The following MATN2 variants were observed in gnomAD, a reference collection of about 807,000 sequenced individuals.
The protein encoded by MATN2 is matrilin 2.
MATN2 carries 69 observed loss-of-function variants against 103.2 expected under a neutral mutation model. The ratio of observed to expected loss-of-function variants is 0.67; its 90% confidence interval spans 0.55 to 0.82. MATN2 has a LOEUF of 0.82. Among genes scored for constraint, MATN2 ranks in the 40% least tolerant of loss-of-function variants. MATN2 has a pLI of 0.00. For missense variants in MATN2, 1,023 were observed against 1,211.5 expected, an observed-to-expected ratio of 0.84 and a Z score of 2.31; for synonymous variants, 429 against 450.2, an observed-to-expected ratio of 0.95 and a Z score of 0.60.
intron 4 of MATN2, among the ~76,000 whole-genome samples, chr8:97,953,129 C>T (rs1227828258): frequency 6.6e-6 from 1 of 151,262 alleles, no homozygotes; most frequent in Admixed American, 6.7e-5. Context: ...CGTTCTGTTG[C>T]CCAGGCTGGT....
chr8:97,895,891 G>T (rs1017960233), intron 2 of MATN2, among the ~76,000 whole-genome samples: 4 of 152,322 alleles, frequency 2.6e-5, no homozygotes, highest in South Asian at 2.1e-4. Flanking sequence ...AGACAGAAAA[G>T]GTGCTCAACC....
In MATN2 at chr8:97,926,087, C is replaced by T. The variant is rs79719743; in HGVS notation, c.143-4866C>T. Among the ~76,000 whole-genome samples the T allele has an allele frequency of 4.1e-3, 629 of 152,272 alleles. 4 individuals carry two copies. The highest frequency in any genetic ancestry group is 0.014 in the African/African-American group (566 of 41,542). ...TCCCTTTCTCTGGAAGAGTAAAAGA[C>T]ACTCATTTGCCCAATACATGGACTT... On this transcript the variant is annotated intron_variant, in intron 2 of 18. Transcript: ENST00000254898.
Position 98,000,604 on chromosome 8 carries a change from A to AAAAAAAAG in MATN2, c.1205-3051_1205-3050insAGAAAAAA, listed in dbSNP as rs1554613598. ...AGAGCGAGACTCCGTCTCAAAAAAA[A>AAAAAAAAG]AAAAAAGAAATATGGTTAACAATCA... On this transcript the variant is annotated intron_variant, in intron 7 of 18. Coordinates refer to ENST00000254898, the MANE Select transcript of MATN2 (RefSeq NM_002380.5). 1.6e-4 allele frequency among the ~76,000 whole-genome samples: 20 copies of AAAAAAAAG among 127,284 alleles called. 3 individuals carry two copies. The highest frequency in any genetic ancestry group is 8.9e-4 in the Admixed American group (11 of 12,360). 83.5% of individuals were successfully genotyped at this position (127,284 alleles called of 152,430 possible).
rs1351506566 is a variant in MATN2, at chr8:97,927,114, TTGTTC to T, written c.143-3834_143-3830del. 1.3e-3 allele frequency among the ~76,000 whole-genome samples: 187 copies of T among 143,674 alleles called. 1 individual carries two copies. The highest frequency in any genetic ancestry group is 4.4e-3 in the African/African-American group (175 of 39,534). 94.3% of individuals were successfully genotyped at this position (143,674 alleles called of 152,430 possible). A position where few individuals can be genotyped will look rare whatever the true frequency, so the allele number is the denominator to read the frequency against. On this transcript the variant is annotated intron_variant, in intron 2 of 18. Coordinates refer to ENST00000254898, the MANE Select transcript of MATN2 (RefSeq NM_002380.5). ...GGGTTGTGGTGCACTGGTCTTAGTT[TTGTTC>T]TGTTTTGTTTTGTTTTTGTTTTTGT...
Position 97,931,507 on chromosome 8 carries a change from CA to C in MATN2, c.698del (p.Gln233ArgfsTer63), listed in dbSNP as rs1307004647. 1.2e-6 allele frequency: 2 copies of C among 1,607,170 alleles called. No homozygotes were observed. The highest frequency in any genetic ancestry group is 2.7e-5 in the African/African-American group (2 of 74,750). On this transcript the variant is annotated frameshift_variant, in exon 3 of 19. Coordinates refer to ENST00000254898, the MANE Select transcript of MATN2 (RefSeq NM_002380.5). LOFTEE classifies it high-confidence loss of function. This position sits in a 1 kb window ranked among gnomAD's most constrained non-coding sequence, Gnocchi z 4.1. ...GATTGAGACGCTGACCTCCGTGTTCCAGAAGAAGTTGTGCAGTAAGTCCTGC... is the reference window on the plus strand; with the variant it reads ...GATTGAGACGCTGACCTCCGTGTTCCGAAGAAGTTGTGCAGTAAGTCCTGC... ...SQIETLTSVF[Q>X]KKLCTAHMCS...
At chr8:97,921,146 C>T (rs1414294174) in intron 2 of MATN2, among the ~76,000 whole-genome samples, 2 of 152,172 alleles carry the variant, frequency 1.3e-5, no homozygotes, top group East Asian at 3.9e-4. Context: ...CTGTGTTACT[C>T]AGCTTATTAA....
chr8:97,908,865 G>A (rs1371529889), intron 2 of MATN2, among the ~76,000 whole-genome samples: 1 of 152,166 alleles, frequency 6.6e-6, no homozygotes, highest in Non-Finnish European at 1.5e-5. Flanking sequence ...CTGACCTCAG[G>A]TGATCCACCG....
chr8:98,026,084 C>G (rs550983891), intron 13 of MATN2, among the ~76,000 whole-genome samples: 1 of 148,072 alleles, frequency 6.8e-6, no homozygotes, highest in Non-Finnish European at 1.5e-5. Context: ...GAGGTTGAGG[C>G]AGGAGAATCA....
At chr8:98,035,319 T>C (rs1340723442) in intron 18 of MATN2, among the ~76,000 whole-genome samples, 3 of 151,658 alleles carry the variant, frequency 2.0e-5, no homozygotes, top group African/African-American at 7.3e-5. Context: ...ATCGCGCCAT[T>C]GCACTCCAAC....
intron 4 of MATN2, among the ~76,000 whole-genome samples, chr8:97,955,455 T>C (rs1811114478): frequency 6.6e-6 from 1 of 152,188 alleles, no homozygotes; most frequent in African/African-American, 2.4e-5. Context: ...TCTGTTCCCA[T>C]CTTCGACCCC....
rs781042108 is a variant in MATN2, at chr8:98,005,486, G to A, written c.1328-1619G>A. Among the ~76,000 whole-genome samples, 1 of 152,140 alleles carries A rather than the reference G, an allele frequency of 6.6e-6. No individual in the cohort carries two copies. The highest frequency in any genetic ancestry group is 1.5e-5 in the Non-Finnish European group (1 of 68,020). On this transcript the variant is annotated intron_variant, in intron 8 of 18. Coordinates refer to ENST00000254898, the MANE Select transcript of MATN2 (RefSeq NM_002380.5). This position sits in a 1 kb window ranked among gnomAD's most constrained non-coding sequence, Gnocchi z 4.6. ...ACGCAGATCACCAGGGACATGGCTT[G>A]ACTGCCCCTCCCAGCATGCTTCCGG...
intron 6 of MATN2, among the ~76,000 whole-genome samples, chr8:97,993,731 T>C (rs1379663093): frequency 6.6e-6 from 1 of 152,194 alleles, no homozygotes; most frequent in Non-Finnish European, 1.5e-5. Context: ...GCCTTATTTT[T>C]CCCAGGATAT....
At chr8:97,983,922 A>G (rs1210152687) in intron 6 of MATN2, among the ~76,000 whole-genome samples, 1 of 152,212 alleles carries the variant, frequency 6.6e-6, no homozygotes, top group Non-Finnish European at 1.5e-5. Context: ...AAGTGCTGAG[A>G]TTACAGGATG....
Position 98,021,229 on chromosome 8 carries a change from A to C in MATN2, c.1844A>C (p.His615Pro). ...GGGAAGGATGTCTGCAAATCAACCCACCATGGCTGCGAACACATTTGTGTT... is the reference window on the plus strand; with the variant it reads ...GGGAAGGATGTCTGCAAATCAACCCCCCATGGCTGCGAACACATTTGTGTT... Reference protein sequence around the residue: ...CRRKDVCKSTHHGCEHICVNN... With the variant: ...CRRKDVCKSTPHGCEHICVNN... Residue 615 changes from histidine (H) to proline (P), a missense_variant, in exon 13 of 19, where the codon CAC (histidine) becomes CCC (proline). Transcript: ENST00000254898. 1 of 1,613,630 alleles carries C rather than the reference A, an allele frequency of 6.2e-7. No individual in the cohort carries two copies. The highest frequency in any genetic ancestry group is 1.1e-5 in the South Asian group (1 of 91,084).
At chr8:97,994,434 C>T in intron 6 of MATN2, 46 bp from the exon 7 acceptor site, 1 of 1,581,576 alleles carries the variant, frequency 6.3e-7, no homozygotes, top group Non-Finnish European at 8.6e-7. Flanking sequence ...CCTATGCTAG[C>T]TTTATTGATT....
At chr8:97,992,479 G>A (rs1229576431) in intron 6 of MATN2, among the ~76,000 whole-genome samples, 1 of 151,944 alleles carries the variant, frequency 6.6e-6, no homozygotes, top group Non-Finnish European at 1.5e-5. Context: ...CAGGTGTGGT[G>A]GCTCACTCCT....
chr8:97,973,373 A>T (rs949489705), intron 5 of MATN2, among the ~76,000 whole-genome samples: 4 of 152,206 alleles, frequency 2.6e-5, no homozygotes, highest in Admixed American at 2.6e-4. Flanking sequence ...CTCTTATCTC[A>T]TGAATTGGGC....
chr8:97,888,167 GCCAGGGAGCGGTCACGTGGGAGGT>G lies in MATN2; in HGVS notation c.71_94del (p.Arg24_Ser31del). Reference sequence around the variant, plus strand: ...ACAGATCGTCCTCCTCCCTGCCGAGGCCAGGGAGCGGTCACGTGGGAGGTCCATCTCTAGGGGCAGACACGCTCG... The same window carrying G: ...ACAGATCGTCCTCCTCCCTGCCGAGGCCATCTCTAGGGGCAGACACGCTCG... On this transcript the variant is annotated inframe_deletion, in exon 2 of 19. Transcript: ENST00000254898. 1.2e-6 allele frequency: 2 copies of G among 1,609,032 alleles called. No homozygotes were observed. The highest frequency in any genetic ancestry group is 1.7e-6 in the Non-Finnish European group (2 of 1,177,464).
At chr8:98,019,599 A>C (rs551071247) in intron 12 of MATN2, among the ~76,000 whole-genome samples, 2 of 152,360 alleles carry the variant, frequency 1.3e-5, no homozygotes, top group East Asian at 3.9e-4. Flanking sequence ...CCAAAGTGAC[A>C]CATCAAATTA....
Sources: gnomAD v4.1 joint callset for allele counts (sites outside exome capture counted in the v4.1 genomes callset) on GRCh38, gnomAD v4.1.1 for gene constraint, Gnocchi (gnomAD v3.1) non-coding constraint, MANE v1.5 for transcripts, NCBI Gene and HGNC (gene_info 2026-07-23, HGNC 2026-07-21) for gene names.